FUT8: variants seen among roughly 807,000 people sequenced by gnomAD.
The protein encoded by FUT8 is alpha-(1,6)-fucosyltransferase.
A neutral mutation model predicts 71.3 loss-of-function variants in FUT8; 29 were observed. The observed-to-expected ratio is 0.41, with a 90% CI of 0.30 to 0.55. The LOEUF is 0.55. FUT8 is among the 20% of genes least tolerant of loss of function. The pLI, the probability that FUT8 is intolerant of heterozygous loss-of-function variation, is 0.34. For synonymous variants in FUT8, 254 were observed against 239.3 expected (o/e 1.06, Z -0.57); for missense variants, 544 against 702.1 (o/e 0.77, Z 2.55).
intron 3 of FUT8, among the ~76,000 whole-genome samples, chr14:65,570,340 T>C (rs1886402771): frequency 6.6e-6 from 1 of 152,038 alleles, no homozygotes; most frequent in Non-Finnish European, 1.5e-5. Flanking sequence ...TGCTCTGGAA[T>C]TTTAGTTAAT....
chr14:65,675,769 T>G (rs1483131161), intron 7 of FUT8, among the ~76,000 whole-genome samples: 1 of 151,790 alleles, frequency 6.6e-6, no homozygotes, highest in African/African-American at 2.4e-5. Flanking sequence ...GTGGGCGGAT[T>G]ACCAGAGGTC....
chr14:65,571,416 T>C (rs1886470620), intron 3 of FUT8, among the ~76,000 whole-genome samples: 2 of 152,108 alleles, frequency 1.3e-5, no homozygotes, highest in Admixed American at 1.3e-4. Flanking sequence ...TCCATGCACT[T>C]CAGATGATCC....
intron 2 of FUT8, among the ~76,000 whole-genome samples, chr14:65,485,623 A>G (rs1312400151): frequency 1.3e-5 from 2 of 152,184 alleles, no homozygotes; most frequent in South Asian, 2.1e-4. Context: ...CCCAGCCTCC[A>G]GTAGTTGTCT....
intron 9 of FUT8, among the ~76,000 whole-genome samples, chr14:65,728,676 T>C (rs769360081): frequency 1.0e-5 from 1 of 96,030 alleles, no homozygotes; most frequent in Non-Finnish European, 2.3e-5. Context: ...GTACCTTTTC[T>C]ATGTTTAGAT....
At chr14:65,617,152 A>C (rs1030064852) in intron 5 of FUT8, 48 of 1,588,110 alleles carry the variant, frequency 3.0e-5, no homozygotes, top group Non-Finnish European at 3.8e-5. Flanking sequence ...GTATTAGCAC[A>C]ACCTACTACT....
intron 6 of FUT8, among the ~76,000 whole-genome samples, chr14:65,636,995 G>A (rs1890592446): frequency 6.6e-6 from 1 of 152,136 alleles, no homozygotes; most frequent in African/African-American, 2.4e-5. Context: ...AATCTTGTAA[G>A]GGCTTTAGTC....
At chr14:65,730,927 A>C (rs1232388395) in intron 9 of FUT8, among the ~76,000 whole-genome samples, 1 of 152,248 alleles carries the variant, frequency 6.6e-6, no homozygotes, top group African/African-American at 2.4e-5. Flanking sequence ...AAATATTTAC[A>C]AATTGAGTTT....
intron 3 of FUT8, among the ~76,000 whole-genome samples, chr14:65,564,978 T>A (rs540808512): frequency 1.3e-5 from 2 of 152,010 alleles, no homozygotes; most frequent in Non-Finnish European, 2.9e-5. Flanking sequence ...CTGGATAGTT[T>A]ATAGAGAAAG....
chr14:65,626,106 C>T (rs1039150095), intron 5 of FUT8, among the ~76,000 whole-genome samples: 5 of 151,940 alleles, frequency 3.3e-5, no homozygotes, highest in African/African-American at 9.7e-5. Context: ...ATCAATACCA[C>T]GTGTTACTGT....
chr14:65,545,375 T>A (rs1884929697), intron 2 of FUT8, among the ~76,000 whole-genome samples: 2 of 151,948 alleles, frequency 1.3e-5, no homozygotes, highest in African/African-American at 2.4e-5. Context: ...TTAAAATGTT[T>A]GTACATTATA....
At position 65,442,177 on chromosome 14, in the gene FUT8, G is replaced by T. The variant is rs1011625762; in HGVS notation, c.-325-13444G>T. ...AGCAAAACAGAAACAGCTAAGGGTG[G>T]ACTTTTTTTTTTTTTTTGAGGCTGA... On this transcript the variant is annotated intron_variant, in intron 1 of 10. Coordinates refer to ENST00000673929, the MANE Select transcript of FUT8 (RefSeq NM_001371533.1). 3.2e-4 allele frequency among the ~76,000 whole-genome samples: 49 copies of T among 151,078 alleles called. 1 individual carries two copies. The highest frequency in any genetic ancestry group is 6.5e-4 in the Non-Finnish European group (44 of 67,772).
chr14:65,485,729 C>A (rs1237293181), intron 2 of FUT8, among the ~76,000 whole-genome samples: 2 of 152,196 alleles, frequency 1.3e-5, no homozygotes, highest in Admixed American at 6.5e-5. Flanking sequence ...TGCTACTTTC[C>A]CGGGGCTAGC....
intron 3 of FUT8, among the ~76,000 whole-genome samples, chr14:65,584,443 G>T (rs1280888626): frequency 6.6e-6 from 1 of 152,206 alleles, no homozygotes. Flanking sequence ...GCCTCCCAAA[G>T]GGCTGGGATT....
At chr14:65,446,103 G>A (rs936816888) in intron 1 of FUT8, among the ~76,000 whole-genome samples, 2 of 151,990 alleles carry the variant, frequency 1.3e-5, no homozygotes, top group Non-Finnish European at 2.9e-5. Flanking sequence ...GTAATACTAC[G>A]TATATATGTA....
chr14:65,451,098 C>T (rs1002708197), intron 1 of FUT8, among the ~76,000 whole-genome samples: 24 of 152,134 alleles, frequency 1.6e-4, no homozygotes, highest in Non-Finnish European at 2.1e-4. Context: ...CCTCGTGATC[C>T]GCCCGCCTCA....
intron 7 of FUT8, among the ~76,000 whole-genome samples, chr14:65,698,164 A>G (rs1411333300): frequency 6.6e-6 from 1 of 152,220 alleles, no homozygotes; most frequent in African/African-American, 2.4e-5. Context: ...CAGACATTCT[A>G]GCAATAATAC....
In FUT8 at chr14:65,643,569, G is replaced by A. The variant is rs1890947576; in HGVS notation, c.597+13963G>A. Among the ~76,000 whole-genome samples, 1 of 151,978 alleles carries A rather than the reference G, an allele frequency of 6.6e-6. No individual in the cohort carries two copies. Among genetic ancestry groups the A allele is most frequent in the Admixed American group, 6.6e-5 (1 of 15,240 alleles). ...CTCAGGAGGCTGAGGCAGGAGAATG[G>A]CGTGAACCTGGGAGGCGGAGCTTGC... is the stretch of plus-strand genomic sequence containing the variant. On this transcript the variant is annotated intron_variant, in intron 6 of 10. Transcript: ENST00000673929. This position sits in a 1 kb window ranked among gnomAD's most constrained non-coding sequence, Gnocchi z 4.5.
chr14:65,585,019 T>C (rs1887300183), intron 3 of FUT8, among the ~76,000 whole-genome samples: 1 of 133,546 alleles, frequency 7.5e-6, no homozygotes, highest in Admixed American at 8.0e-5. Context: ...TGTTTATACA[T>C]TTCTTGATTA....
At chr14:65,636,947 C>A (rs1215654330) in intron 6 of FUT8, among the ~76,000 whole-genome samples, 2 of 152,130 alleles carry the variant, frequency 1.3e-5, no homozygotes, top group Admixed American at 6.5e-5. Flanking sequence ...CCCTAATAGA[C>A]AAGTATGCTA....
Sources: gnomAD v4.1 joint callset for allele counts (sites outside exome capture counted in the v4.1 genomes callset) on GRCh38, gnomAD v4.1.1 for gene constraint, Gnocchi (gnomAD v3.1) non-coding constraint, MANE v1.5 for transcripts, NCBI Gene and HGNC (gene_info 2026-07-23, HGNC 2026-07-21) for gene names.